ACYP2: variants seen among roughly 807,000 people sequenced by gnomAD.
The protein encoded by ACYP2 is acylphosphatase-2.
In ACYP2, 12 loss-of-function variants were observed where a neutral mutation model predicts 11.2. The observed-to-expected ratio is 1.08, with a 90% CI of 0.69 to 1.74. ACYP2 has a LOEUF of 1.74. ACYP2 is among the 40% of genes most tolerant of loss of function. The pLI is 0.00. For missense variants in ACYP2, 134 were observed against 101.9 expected (o/e 1.31, Z -1.35); for synonymous variants, 43 against 32.2 (o/e 1.33, Z -1.13).
chr2:54,103,636 C>T (rs1359070769), intron 4 of ACYP2, among the ~76,000 whole-genome samples: 1 of 152,180 alleles, frequency 6.6e-6, no homozygotes, highest in African/African-American at 2.4e-5. Flanking sequence ...GCCCAGTTTT[C>T]TCATCTGTAA....
intron 6 of ACYP2, chr2:54,254,778 G>A (rs1687411762): frequency 2.6e-6 from 2 of 781,648 alleles, no homozygotes; most frequent in Non-Finnish European, 4.0e-6. Flanking sequence ...TCTTCAGGTT[G>A]AGAGAACGGA....
At chr2:54,298,898 C>T (rs1167247679) in intron 6 of ACYP2, among the ~76,000 whole-genome samples, 2 of 152,186 alleles carry the variant, frequency 1.3e-5, no homozygotes, top group Non-Finnish European at 2.9e-5. Flanking sequence ...CTTAACGGTG[C>T]ACACCACCAT....
chr2:54,009,626 G>C (rs570214095), intron 2 of ACYP2, among the ~76,000 whole-genome samples: 1 of 152,186 alleles, frequency 6.6e-6, no homozygotes, highest in Non-Finnish European at 1.5e-5. Context: ...TTTAGAGTTA[G>C]AGTGCAGTTA....
intron 4 of ACYP2, among the ~76,000 whole-genome samples, chr2:54,130,391 T>G (rs1413813665): frequency 6.6e-6 from 1 of 152,020 alleles, no homozygotes; most frequent in Non-Finnish European, 1.5e-5. Flanking sequence ...AAGTAGGATA[T>G]GAGGTAGAGG....
At chr2:54,120,838 C>G (rs150255742) in intron 4 of ACYP2, among the ~76,000 whole-genome samples, 168 of 152,244 alleles carry the variant, frequency 1.1e-3, no homozygotes, top group African/African-American at 4.0e-3. Context: ...TTGGAGATGC[C>G]AGCAACCACA....
In ACYP2 at chr2:53,991,444, C is replaced by T. The variant is rs868774460; in HGVS notation, c.62+17634C>T. 1.2e-3 allele frequency among the ~76,000 whole-genome samples: 182 copies of T among 146,260 alleles called. 2 individuals carry two copies. The highest frequency in any genetic ancestry group is 6.9e-3 in the South Asian group (32 of 4,608). On this transcript the variant is annotated intron_variant, in intron 2 of 6. Coordinates refer to ENST00000607452, the MANE Select transcript of ACYP2 (RefSeq NM_001320586.2). ...TTTTTGAGATGGAATTTCACTCTTTCGCCCAGGTTGGAGTGCAGTGGTGCG... is the reference window on the plus strand; with the variant it reads ...TTTTTGAGATGGAATTTCACTCTTTTGCCCAGGTTGGAGTGCAGTGGTGCG...
intron 6 of ACYP2, among the ~76,000 whole-genome samples, chr2:54,173,083 A>G (rs1421954945): frequency 6.6e-6 from 1 of 152,212 alleles, no homozygotes; most frequent in Admixed American, 6.5e-5. Context: ...CGTTATGTCA[A>G]ATGGTATTTC....
At chr2:54,021,119 C>T (rs1673987039) in intron 2 of ACYP2, among the ~76,000 whole-genome samples, 1 of 152,094 alleles carries the variant, frequency 6.6e-6, no homozygotes, top group Non-Finnish European at 1.5e-5. Flanking sequence ...ACCGCACAGT[C>T]TAAGCTAATT....
intron 6 of ACYP2, among the ~76,000 whole-genome samples, chr2:54,294,363 A>G (rs553791856): frequency 1.3e-5 from 2 of 151,892 alleles, no homozygotes; most frequent in South Asian, 4.2e-4. Context: ...ACTCCCCTAT[A>G]TTTTTGCTTA....
intron 6 of ACYP2, among the ~76,000 whole-genome samples, chr2:54,183,795 TTAATC>T (rs1417084013): frequency 3.3e-5 from 5 of 152,162 alleles, no homozygotes; most frequent in South Asian, 2.1e-4. Context: ...CATTTAAACT[TTAATC>T]TATTGAAAAT....
At chr2:54,261,160 ATTC>A (rs1384112366) in intron 6 of ACYP2, among the ~76,000 whole-genome samples, 2 of 152,204 alleles carry the variant, frequency 1.3e-5, no homozygotes, top group African/African-American at 4.8e-5. Flanking sequence ...TAGTGATATT[ATTC>A]TTTGAGTTCA....
chr2:54,081,672 A>T (rs946369895), intron 4 of ACYP2, among the ~76,000 whole-genome samples: 3 of 152,220 alleles, frequency 2.0e-5, no homozygotes, highest in African/African-American at 7.2e-5. Flanking sequence ...TAACTGATGC[A>T]TGACTCTACA....
chr2:54,294,988 A>G (rs114798597), intron 6 of ACYP2, among the ~76,000 whole-genome samples: 1,690 of 152,230 alleles, frequency 0.011, 15 homozygotes, highest in Non-Finnish European at 0.015. Context: ...TCTTTGAGAT[A>G]CTAAGAAAAC....
intron 2 of ACYP2, among the ~76,000 whole-genome samples, chr2:54,038,834 A>G (rs960673491): frequency 2.0e-5 from 3 of 151,068 alleles, no homozygotes; most frequent in Non-Finnish European, 3.0e-5. Flanking sequence ...TAAAATAAAC[A>G]TTTGTTCCAT....
intron 6 of ACYP2, among the ~76,000 whole-genome samples, chr2:54,190,744 A>C (rs920503363): frequency 6.6e-6 from 1 of 152,096 alleles, no homozygotes; most frequent in Non-Finnish European, 1.5e-5. Context: ...TATACCCCAG[A>C]TGTTTATATC....
At chr2:54,298,469 C>A (rs965519080) in intron 6 of ACYP2, among the ~76,000 whole-genome samples, 1 of 152,086 alleles carries the variant, frequency 6.6e-6, no homozygotes, top group Admixed American at 6.6e-5. Flanking sequence ...TTAAAAACAC[C>A]CACAAGGACA....
chr2:54,210,361 ATTACT>A lies in ACYP2; in HGVS notation c.404+71615_404+71619del, dbSNP rs536765721. Among the ~76,000 whole-genome samples, 631 of 152,224 alleles carry A rather than the reference ATTACT, an allele frequency of 4.1e-3. 8 individuals carry two copies. Among genetic ancestry groups the A allele is most frequent in the African/African-American group, 0.014 (602 of 41,540 alleles). On this transcript the variant is annotated intron_variant, in intron 6 of 6. Coordinates refer to ENST00000607452, the MANE Select transcript of ACYP2 (RefSeq NM_001320586.2). ...TTACATTACTTATATTGTTTATTAC[ATTACT>A]TAATATATACAAACATATAATTTTT...
chr2:54,115,849 T>C, intron 4 of ACYP2, 93 bp downstream of exon 1: 1 of 1,373,684 alleles, frequency 7.3e-7, no homozygotes, highest in Non-Finnish European at 9.5e-7. Flanking sequence ...GTATGCCTTT[T>C]CCCGTTGTGG....
At chr2:54,123,192 AC>A (rs1680258029) in intron 4 of ACYP2, 1 of 395,274 alleles carries the variant, frequency 2.5e-6, no homozygotes, top group Admixed American at 4.4e-5. Flanking sequence ...CACTAATGAT[AC>A]GCCTCCTCAC....
Sources: allele counts gnomAD v4.1 joint callset (sites outside exome capture counted in the v4.1 genomes callset), GRCh38; gene constraint gnomAD v4.1.1; transcripts MANE v1.5; gene names NCBI Gene and HGNC (gene_info 2026-07-23, HGNC 2026-07-21).